The following AARSD1 variants were observed in gnomAD, a reference collection of about 807,000 sequenced individuals.
AARSD1 encodes alanyl-tRNA editing protein Aarsd1.
Under a neutral mutation model 48.7 loss-of-function variants are expected in AARSD1, and 44 were observed. That is an observed-to-expected ratio of 0.90 (90% CI 0.71 to 1.16). The LOEUF is 1.16. Among genes scored for constraint, AARSD1 ranks in the 50% most tolerant of loss-of-function variants. The probability of loss-of-function intolerance (pLI) is 0.00; values close to 1 mark genes in which losing one functional copy is unlikely to be tolerated. For synonymous variants in AARSD1, 189 were observed against 194.9 expected, an observed-to-expected ratio of 0.97 and a Z score of 0.25; for missense variants, 511 against 523.1, an observed-to-expected ratio of 0.98 and a Z score of 0.23.
At position 42,950,621 on chromosome 17, in the gene AARSD1, T is replaced by C; in HGVS notation, c.1211A>G (p.Tyr404Cys). ...RMEAQALLQD[Y>C]ISTQSAKE ...CTCCTTAGCACTCTGCGTGCTGATG[T>C]AGTCCTGGAGAAGCGCCTGCGCCTC... The change falls in exon 12 of 12, where the codon TAC becomes TGC. Residue 404 changes from tyrosine (Y) to cysteine (C), a missense_variant. By Grantham distance (194) the Tyr-to-Cys change is radical. Coordinates refer to ENST00000427569, the MANE Select transcript of AARSD1 (RefSeq NM_001261434.2). 1.2e-6 allele frequency: 2 copies of C among 1,614,098 alleles called. No homozygotes were observed. Among genetic ancestry groups the C allele is most frequent in the East Asian group, 2.2e-5 (1 of 44,882 alleles).
In AARSD1 at chr17:42,964,160, GC is replaced by G; in HGVS notation, c.116del (p.Ser39ThrfsTer32). 6.2e-7 allele frequency: 1 copy of G among 1,614,198 alleles called. No individual in the cohort carries two copies. Among genetic ancestry groups the G allele is most frequent in the Non-Finnish European group, 8.5e-7 (1 of 1,180,042 alleles). ...EGSNGKKEVLSGFQVVLEDTV... is the reference protein window; with the variant it reads ...EGSNGKKEVLXGFQVVLEDTV... ...TGTCTTCCAGCACCACTTGGAAACC[GC>G]TCAGCACTTCTTTCTTGCCGTTGCT... is the stretch of plus-strand genomic sequence containing the variant. On this transcript the variant is annotated frameshift_variant, in exon 2 of 12. Coordinates refer to ENST00000427569, the MANE Select transcript of AARSD1 (RefSeq NM_001261434.2). LOFTEE classifies it high-confidence loss of function.
intron 2 of AARSD1, among the ~76,000 whole-genome samples, chr17:42,961,843 C>T (rs1394564464): frequency 6.6e-6 from 1 of 151,940 alleles, no homozygotes; most frequent in African/African-American, 2.4e-5. Flanking sequence ...ACAGTGAGAC[C>T]CCACCTCTAT....
intron 7 of AARSD1, 98 bp downstream of exon 7, chr17:42,955,744 C>T: frequency 6.4e-7 from 1 of 1,570,008 alleles, no homozygotes; most frequent in Non-Finnish European, 8.6e-7. Flanking sequence ...CCTGGCCGCA[C>T]TTTATCATTT....
chr17:42,956,544 G>A lies in AARSD1; in HGVS notation c.406C>T (p.Arg136Trp), dbSNP rs150118480. The A allele has an allele frequency of 1.1e-5, 18 of 1,611,176 alleles. No homozygotes were observed. Among genetic ancestry groups the A allele is most frequent in the Admixed American group, 5.0e-5 (3 of 59,694 alleles). Residue 136 changes from arginine to tryptophan, a missense_variant, in exon 5 of 12, where the codon CGG becomes TGG. Transcript: ENST00000427569. ...KTTSWELGRF[R>W]SAIELDTPSM... ...GGGGTGTCCAGCTCAATCGCACTCC[G>A]AAATCTCCCTAACTCCCTGTCAGAA... is the stretch of plus-strand genomic sequence containing the variant.
At chr17:42,951,621 C>T (rs1307291334) in intron 11 of AARSD1, among the ~76,000 whole-genome samples, 179 bp downstream of exon 11, 5 of 152,148 alleles carry the variant, frequency 3.3e-5, no homozygotes, top group Non-Finnish European at 7.4e-5. Context: ...AGCCAAAAGA[C>T]CTTCAACTGT....
intron 4 of AARSD1, 106 bp downstream of exon 4, chr17:42,957,032 C>T (rs893593587): frequency 7.6e-7 from 1 of 1,323,934 alleles, no homozygotes; most frequent in African/African-American, 1.5e-5. Context: ...GCAATCACAG[C>T]TCACCACAGC....
intron 10 of AARSD1, among the ~76,000 whole-genome samples, chr17:42,952,976 G>A (rs182798073): frequency 6.6e-6 from 1 of 152,078 alleles, no homozygotes; most frequent in Admixed American, 6.6e-5. Flanking sequence ...ACCACACCCA[G>A]CAAATTTTTG....
At chr17:42,951,730 A>T in intron 11 of AARSD1, 70 bp downstream of exon 11, 1 of 1,514,896 alleles carries the variant, frequency 6.6e-7, no homozygotes, top group South Asian at 1.1e-5. Context: ...TGGTCCTTTG[A>T]CTCAGTAAAG....
intron 10 of AARSD1, among the ~76,000 whole-genome samples, chr17:42,953,326 G>C (rs2049504692): frequency 6.6e-6 from 1 of 151,952 alleles, no homozygotes; most frequent in South Asian, 2.1e-4. Context: ...ATGTTGGCTA[G>C]GCTGGTCTCC....
intron 3 of AARSD1, among the ~76,000 whole-genome samples, chr17:42,960,255 G>A (rs1035626883): frequency 1.3e-5 from 2 of 151,528 alleles, no homozygotes; most frequent in Admixed American, 6.6e-5. Context: ...GCGACAGAGC[G>A]AGACTCCAAC....
At chr17:42,954,707 A>T in intron 9 of AARSD1, 169 bp downstream of exon 9, 1 of 620,296 alleles carries the variant, frequency 1.6e-6, no homozygotes, top group Non-Finnish European at 2.7e-6. Context: ...TGCTGGGATT[A>T]CAGGCGTGAG....
chr17:42,960,952 T>C (rs928022814), intron 3 of AARSD1: 20 of 535,202 alleles, frequency 3.7e-5, no homozygotes, highest in Non-Finnish European at 5.9e-5. Flanking sequence ...CAGATGGAGA[T>C]ATCGAGTGGG....
At position 42,964,100 on chromosome 17, in the gene AARSD1, T is replaced by G; in HGVS notation, c.171+6A>C. The G allele has an allele frequency of 1.9e-6, 3 of 1,614,176 alleles. No homozygotes were observed. The highest frequency in any genetic ancestry group is 2.5e-6 in the Non-Finnish European group (3 of 1,180,038). On this transcript the variant is annotated splice_donor_region_variant and intron_variant, in intron 2 of 11. Transcript: ENST00000427569. ...GGGGCTTCCTGGGAAGAGATCGTTT[T>G]GGTACCTGTCCCCCGCCCTCAGGGA... is the stretch of plus-strand genomic sequence containing the variant.
chr17:42,953,999 TAGG>T (rs1320316272), intron 9 of AARSD1: 50 of 580,812 alleles, frequency 8.6e-5, no homozygotes, highest in Non-Finnish European at 4.6e-5. Flanking sequence ...CTCCCTTAAA[TAGG>T]ATTCACCAGG....
In AARSD1 at chr17:42,957,163, G is replaced by T. The variant is rs138759818; in HGVS notation, c.364C>A (p.Leu122Ile). 44 of 1,613,686 alleles carry T rather than the reference G, an allele frequency of 2.7e-5. No individual in the cohort carries two copies. The highest frequency in any genetic ancestry group is 2.7e-4 in the Admixed American group (16 of 59,960). The change falls in exon 4 of 12, where the codon CTA (leucine) becomes ATA (isoleucine). Residue 122 changes from leucine (L) to isoleucine (I), a missense_variant. Leu to Ile is a conservative substitution (Grantham distance 5, BLOSUM62 2). Coordinates refer to ENST00000427569, the MANE Select transcript of AARSD1 (RefSeq NM_001261434.2). ...QHLITAVADH[L>I]FKLKTTSWEL... ...CATGATGTTGTCTTCAGCTTAAATAGATGGTCAGCAACTGCCGTGATGAGA... is the reference window on the plus strand; with the variant it reads ...CATGATGTTGTCTTCAGCTTAAATATATGGTCAGCAACTGCCGTGATGAGA...
chr17:42,962,298 C>CA (rs59823866), intron 2 of AARSD1: 54 of 107,104 alleles, frequency 5.0e-4, no homozygotes, highest in South Asian at 3.4e-3. Context: ...GACACCATCT[C>CA]AAAAAAAAAA....
chr17:42,955,182 C>A lies in AARSD1; in HGVS notation c.837G>T (p.Gln279His). 6.2e-7 allele frequency: 1 copy of A among 1,614,158 alleles called. No individual in the cohort carries two copies. Among genetic ancestry groups the A allele is most frequent in the Non-Finnish European group, 8.5e-7 (1 of 1,180,020 alleles). Reference sequence around the variant, plus strand: ...CCTTCTGCAGGATCTTGGTGGAGTTCTGGAGCTTTTTCACTGCTTCCACAT... The same window carrying A: ...CCTTCTGCAGGATCTTGGTGGAGTTATGGAGCTTTTTCACTGCTTCCACAT... Reference protein sequence around the residue: ...EDHVEAVKKLQNSTKILQKNN... With the variant: ...EDHVEAVKKLHNSTKILQKNN... The change falls in exon 8 of 12, where the codon CAG becomes CAT. Residue 279 changes from glutamine to histidine, a missense_variant. By Grantham distance (24) the Gln-to-His change is conservative (BLOSUM62 0). Transcript: ENST00000427569.
chr17:42,964,272 CCCAGCCCTAGCCCTAGCCCTCTCCACA>C, intron 1 of AARSD1, 35 bp from the exon 2 acceptor site: 1 of 1,461,870 alleles, frequency 6.8e-7, no homozygotes, highest in Non-Finnish European at 9.0e-7. Flanking sequence ...AAGCCCCGAC[CCCAGCCCTAGCCCTAGCCCTCTCCACA>C]CCAGGACAGA....
intron 2 of AARSD1, among the ~76,000 whole-genome samples, chr17:42,963,192 T>C (rs1286536763): frequency 2.7e-5 from 4 of 150,938 alleles, no homozygotes; most frequent in African/African-American, 9.7e-5. Flanking sequence ...GTGATTCTCA[T>C]GCCTCAGCCT....
Sources: allele counts gnomAD v4.1 joint callset (sites outside exome capture counted in the v4.1 genomes callset), GRCh38; gene constraint gnomAD v4.1.1; transcripts MANE v1.5; gene names NCBI Gene and HGNC (gene_info 2026-07-23, HGNC 2026-07-21).